The following SLC16A5 variants were observed in gnomAD, a reference collection of about 807,000 sequenced individuals.
SLC16A5 encodes monocarboxylate transporter 6.
SLC16A5 carries 29 observed loss-of-function variants against 33.2 expected under a neutral mutation model. The ratio of observed to expected loss-of-function variants is 0.87; its 90% confidence interval spans 0.65 to 1.19. The LOEUF (loss-of-function observed/expected upper bound fraction) is 1.19. Ranked by LOEUF, SLC16A5 falls within the 50% of genes most tolerant of loss-of-function variation. The pLI is 0.00. For synonymous variants in SLC16A5, 248 were observed against 284.1 expected (o/e 0.87, Z 1.28); for missense variants, 606 against 678.2 (o/e 0.89, Z 1.18).
downstream of SLC16A5, chr17:75,109,994 G>C (rs1041408396): frequency 1.5e-5 from 5 of 340,576 alleles, no homozygotes; most frequent in Admixed American, 1.4e-4. This position sits in a 1 kb window ranked among gnomAD's most constrained non-coding sequence, Gnocchi z 5.0. Context: ...AGCCGGGGAC[G>C]GTGCGCCAGT....
At chr17:75,109,081 ACCT>A, downstream of SLC16A5, among the ~76,000 whole-genome samples, 1 of 151,880 alleles carries the variant, frequency 6.6e-6, no homozygotes, top group East Asian at 1.9e-4. This position sits in a 1 kb window ranked among gnomAD's most constrained non-coding sequence, Gnocchi z 5.0. Flanking sequence ...TGGCTAGACC[ACCT>A]CCTTCCCTGG....
chr17:75,106,099 C>A lies in SLC16A5; in HGVS notation c.*66C>A. On this transcript the variant is annotated 3_prime_UTR_variant, in exon 7 of 7. Transcript: ENST00000329783. The stretch of plus-strand genomic sequence containing the variant: ...GGCAAATTGTTGACCACCTCTGAGC[C>A]TTGAAAAAGTAGGAGGTTACTTTGT... 1.4e-6 allele frequency: 1 copy of A among 714,338 alleles called. No homozygotes were observed. The highest frequency in any genetic ancestry group is 2.2e-6 in the Non-Finnish European group (1 of 452,328). The allele number at this position is 714,338 out of a possible 1,614,324, so 44.2% of individuals were successfully genotyped here.
chr17:75,094,019 G>A (rs770287788), intron 3 of SLC16A5, among the ~76,000 whole-genome samples, 184 bp downstream of exon 3: 29 of 152,354 alleles, frequency 1.9e-4, no homozygotes, highest in South Asian at 2.1e-4. Flanking sequence ...GGCTGGAGCC[G>A]GGGAGAGAGT....
At position 75,105,965 on chromosome 17, in the gene SLC16A5, T is replaced by G. The variant is rs757308947; in HGVS notation, c.1450T>G (p.Trp484Gly). ...CPASSRTSHE[W>G]LLWPKAVLQA... ...TGCCTCCTCCAGGACCAGCCATGAG[T>G]GGCTCTTATGGCCAAAGGCGGTACT... The change falls in exon 7 of 7, where the codon TGG (tryptophan) becomes GGG (glycine). Residue 484 changes from tryptophan (W) to glycine (G), a missense_variant. Trp to Gly is a radical substitution (Grantham distance 184). Transcript: ENST00000329783. 6.2e-7 allele frequency: 1 copy of G among 1,611,812 alleles called. No homozygotes were observed. The highest frequency in any genetic ancestry group is 8.5e-7 in the Non-Finnish European group (1 of 1,178,636).
intron 2 of SLC16A5, among the ~76,000 whole-genome samples, chr17:75,091,032 G>A (rs1308956090): frequency 1.3e-5 from 2 of 152,226 alleles, no homozygotes; most frequent in Non-Finnish European, 2.9e-5. Context: ...GCCAGGCAGT[G>A]GGGAGAGGGA....
chr17:75,104,806 T>G (rs964277554), intron 6 of SLC16A5: 2 of 985,282 alleles, frequency 2.0e-6, no homozygotes, highest in Admixed American at 1.2e-4. Context: ...CCGGACTTTT[T>G]TCCTTGGGTA....
downstream of SLC16A5, among the ~76,000 whole-genome samples, chr17:75,106,590 TTTAAAAAAA>T (rs2073866010): frequency 9.3e-6 from 1 of 107,578 alleles, no homozygotes; most frequent in South Asian, 2.7e-4. Context: ...CTGTCTTTTT[TTTAAAAAAA>T]AAAAAAAAAA....
chr17:75,096,841 CTT>C (rs71361652), intron 3 of SLC16A5, among the ~76,000 whole-genome samples: 4 of 65,328 alleles, frequency 6.1e-5, no homozygotes, highest in African/African-American at 3.1e-4. Flanking sequence ...CACTCCATCA[CTT>C]TTTTTTTTTT....
At chr17:75,102,311 G>A (rs2145065639) in intron 5 of SLC16A5, among the ~76,000 whole-genome samples, 1 of 152,190 alleles carries the variant, frequency 6.6e-6, no homozygotes, top group East Asian at 1.9e-4. Context: ...GGGAGGCTGA[G>A]GCAGGAGAAT....
rs1411727951 is a variant in SLC16A5, at chr17:75,093,777, C to G, written c.141C>G (p.Ala47=). 1.2e-6 allele frequency: 2 copies of G among 1,614,044 alleles called. No individual in the cohort carries two copies. The highest frequency in any genetic ancestry group is 2.7e-5 in the African/African-American group (2 of 74,912). Reference sequence around the variant, plus strand: ...CTGAATTGCAATGGGAGTTCCAGGCCAGCAACAGCGAGACCTCTTGGTTCC... The same window carrying G: ...CTGAATTGCAATGGGAGTTCCAGGCGAGCAACAGCGAGACCTCTTGGTTCC... ...FFTELQWEFQ[A]SNSETSWFPS... The change falls in exon 3 of 7, where the codon GCC becomes GCG. Residue 47 remains alanine (A), a synonymous_variant. Transcript: ENST00000329783.
intron 6 of SLC16A5, chr17:75,105,424 A>G: frequency 1.0e-6 from 1 of 984,922 alleles, no homozygotes; most frequent in Non-Finnish European, 1.2e-6. Context: ...AAGCTCTTTT[A>G]CTCCCCATTC....
At chr17:75,103,806 T>C (rs532194621) in intron 5 of SLC16A5, among the ~76,000 whole-genome samples, 164 bp from the exon 6 acceptor site, 1 of 152,316 alleles carries the variant, frequency 6.6e-6, no homozygotes, top group East Asian at 1.9e-4. Context: ...GTTGTGTTTC[T>C]TCCCCTCCTT....
At chr17:75,106,634 C>T (rs1598158726), downstream of SLC16A5, among the ~76,000 whole-genome samples, 1 of 150,500 alleles carries the variant, frequency 6.6e-6, no homozygotes, top group East Asian at 2.0e-4. Context: ...GTGGCTCACG[C>T]CTGTAATCCC....
intron 2 of SLC16A5, among the ~76,000 whole-genome samples, chr17:75,092,360 CT>C (rs150596125): frequency 0.056 from 7,846 of 138,948 alleles, 270 homozygotes; most frequent in African/African-American, 0.11. Context: ...AAGTGTGTGT[CT>C]TTTTTTTTTT....
In SLC16A5 at chr17:75,100,639, G is replaced by C. The variant is rs1386517787; in HGVS notation, c.976G>C (p.Gly326Arg). ...CACTAACCTGGTGTGTGCGGCATCA[G>C]GTGACTTCTGGGTGCTCGTGGGCTA... The part of the protein sequence containing the change: ...GLTNLVCAAS[G>R]DFWVLVGYCL... Residue 326 changes from glycine to arginine, a missense_variant, in exon 5 of 7, where the codon GGT becomes CGT. Coordinates refer to ENST00000329783, the MANE Select transcript of SLC16A5 (RefSeq NM_004695.4). 6.2e-7 allele frequency: 1 copy of C among 1,614,102 alleles called. No individual in the cohort carries two copies. The highest frequency in any genetic ancestry group is 1.7e-5 in the Admixed American group (1 of 60,002).
intron 2 of SLC16A5, among the ~76,000 whole-genome samples, chr17:75,091,695 T>C (rs2144991276): frequency 6.6e-6 from 1 of 152,214 alleles, no homozygotes; most frequent in African/African-American, 2.4e-5. Context: ...GATGTCCGAG[T>C]TTCCCCAGAG....
intron 2 of SLC16A5, chr17:75,093,166 T>C (rs1483567990): frequency 1.9e-6 from 1 of 533,200 alleles, no homozygotes; most frequent in Non-Finnish European, 3.4e-6. Flanking sequence ...GGAGGGTGTA[T>C]CCTTGGGTGC....
intron 5 of SLC16A5, among the ~76,000 whole-genome samples, chr17:75,101,248 C>CA (rs1337174943): frequency 4.2e-5 from 5 of 118,682 alleles, no homozygotes; most frequent in African/African-American, 1.6e-4. Context: ...GACTCCGCCT[C>CA]AAAAAGAAAA....
At chr17:75,093,185 G>T in intron 2 of SLC16A5, 1 of 539,376 alleles carries the variant, frequency 1.9e-6, no homozygotes, top group Non-Finnish European at 3.3e-6. Context: ...GCATTTGGGG[G>T]GCGTTGGGAC....
Sources: gnomAD v4.1 joint callset for allele counts (sites outside exome capture counted in the v4.1 genomes callset) on GRCh38, gnomAD v4.1.1 for gene constraint, Gnocchi (gnomAD v3.1) non-coding constraint, MANE v1.5 for transcripts, NCBI Gene and HGNC (gene_info 2026-07-23, HGNC 2026-07-21) for gene names.